The following SOD2 variants were observed in gnomAD, a reference collection of about 807,000 sequenced individuals.
SOD2 encodes superoxide dismutase 2, also known as superoxide dismutase [Mn], mitochondrial.
In SOD2, 11 loss-of-function variants were observed where a neutral mutation model predicts 27.0. The observed-to-expected ratio is 0.41, with a 90% CI of 0.26 to 0.67. The LOEUF (loss-of-function observed/expected upper bound fraction) is 0.67, where lower values mean the gene tolerates loss of function less well. SOD2 is among the 30% of genes least tolerant of loss of function. The probability of loss-of-function intolerance (pLI) is 0.34; values close to 1 mark genes in which losing one functional copy is unlikely to be tolerated. For synonymous variants in SOD2, 105 were observed against 103.0 expected (o/e 1.02, Z -0.12); for missense variants, 250 against 274.5 (o/e 0.91, Z 0.63).
intron 1 of SOD2, among the ~76,000 whole-genome samples, chr6:159,756,580 A>T (rs1780014922): frequency 7.5e-6 from 1 of 133,664 alleles, no homozygotes; most frequent in Non-Finnish European, 1.6e-5. Flanking sequence ...GAAAATAGTC[A>T]TCTATTTCTT....
chr6:159,678,033 A>C lies in SOD2; in HGVS notation c.*4460T>G, dbSNP rs1779817103. 1 of 152,100 alleles carries C rather than the reference A, an allele frequency of 6.6e-6. No homozygotes were observed. Among genetic ancestry groups the C allele is most frequent in the Non-Finnish European group, 1.5e-5 (1 of 68,020 alleles). The allele number at this position is 152,100 out of a possible 1,614,324, so 9.4% of individuals were successfully genotyped here. A position where few individuals can be genotyped will look rare whatever the true frequency, so the allele number is the denominator to read the frequency against. The stretch of plus-strand genomic sequence containing the variant: ...CCCCCAACCTCCAGAAAGGGGAGAG[A>C]GGCTGAAGGTTGAGTTAATCGCCAA... On this transcript the variant is annotated 3_prime_UTR_variant, in exon 5 of 5. Transcript: ENST00000538183.
chr6:159,717,869 T>C (rs1159233282), intron 1 of SOD2, among the ~76,000 whole-genome samples: 1 of 151,682 alleles, frequency 6.6e-6, no homozygotes, highest in Non-Finnish European at 1.5e-5. Context: ...TGTGGCTAAA[T>C]AGTATTCATA....
In SOD2 at chr6:159,680,553, C is replaced by T. The variant is rs1465153621; in HGVS notation, c.*1940G>A. The T allele has an allele frequency of 6.7e-6, 1 of 148,908 alleles. No individual in the cohort carries two copies. Among genetic ancestry groups the T allele is most frequent in the Non-Finnish European group, 1.5e-5 (1 of 67,320 alleles). The allele number at this position is 148,908 out of a possible 1,614,324, so 9.2% of individuals were successfully genotyped here. ...AAACTGCTAAGTTACCCCATTTTTC[C>T]ATGAAAAAAAAATAGAAAAATAAAC... On this transcript the variant is annotated 3_prime_UTR_variant, in exon 5 of 5. Transcript: ENST00000538183.
At chr6:159,693,408 G>C (rs1192262231), upstream of SOD2, 18 of 145,058 alleles carry the variant, frequency 1.2e-4, no homozygotes, top group Non-Finnish European at 2.3e-4. Context: ...CCGCCCGCCC[G>C]CGCTTGCCGT....
upstream of SOD2, chr6:159,748,819 T>C (rs552947042): frequency 8.1e-7 from 1 of 1,230,008 alleles, no homozygotes; most frequent in African/African-American, 1.6e-5. The surrounding 1 kb of genome is among the most constrained non-coding windows in gnomAD (Gnocchi z 5.6). Flanking sequence ...AAAAACGGAA[T>C]ATGCATCGCT....
At chr6:159,751,108 T>C (rs1303406921) in intron 1 of SOD2, among the ~76,000 whole-genome samples, 2 of 152,234 alleles carry the variant, frequency 1.3e-5, no homozygotes, top group South Asian at 2.1e-4. Context: ...TTTTTTTGTT[T>C]GTAATTTTAA....
At chr6:159,738,473 A>G (rs970333709) in intron 1 of SOD2, among the ~76,000 whole-genome samples, 5 of 152,170 alleles carry the variant, frequency 3.3e-5, no homozygotes, top group East Asian at 1.9e-4. Flanking sequence ...TGATAGTTCA[A>G]TCATTTGCCT....
intron 1 of SOD2, among the ~76,000 whole-genome samples, chr6:159,720,059 C>T (rs1376947869): frequency 1.3e-5 from 2 of 148,392 alleles, no homozygotes; most frequent in Non-Finnish European, 3.0e-5. Flanking sequence ...GGGACAGAGT[C>T]TCACTCCGTC....
intron 1 of SOD2, chr6:159,739,190 C>T: frequency 1.7e-6 from 1 of 603,938 alleles, no homozygotes; most frequent in Non-Finnish European, 2.7e-6. Context: ...CATACTATGA[C>T]CTATTTCTTA....
In SOD2 at chr6:159,674,340, A is replaced by G. The variant is rs1779730784; in HGVS notation, c.*8153T>C. 6.6e-6 allele frequency: 1 copy of G among 152,212 alleles called. No individual in the cohort carries two copies. 9.4% of individuals were successfully genotyped at this position (152,212 alleles called of 1,614,324 possible). A position where few individuals can be genotyped will look rare whatever the true frequency, so the allele number is the denominator to read the frequency against. On this transcript the variant is annotated 3_prime_UTR_variant, in exon 5 of 5. Coordinates refer to ENST00000538183, the MANE Select transcript of SOD2 (RefSeq NM_000636.4). ...ATCCCTGATGAAAATCAATGCAAAA[A>G]TCCTCAATAAAATACTGGCAAACTG...
At chr6:159,705,641 T>C (rs1368114149) in intron 1 of SOD2, among the ~76,000 whole-genome samples, 2 of 152,206 alleles carry the variant, frequency 1.3e-5, no homozygotes, top group Non-Finnish European at 2.9e-5. Context: ...CTACGTCTGA[T>C]TGGTGTACCT....
intron 1 of SOD2, among the ~76,000 whole-genome samples, chr6:159,719,093 T>C (rs1480125417): frequency 4.6e-5 from 7 of 152,118 alleles, no homozygotes; most frequent in Non-Finnish European, 7.4e-5. Context: ...GTTGAAATCT[T>C]AACCCCTAAT....
At chr6:159,695,670 A>T (rs1253606302), upstream of SOD2, among the ~76,000 whole-genome samples, 1 of 151,602 alleles carries the variant, frequency 6.6e-6, no homozygotes, top group Non-Finnish European at 1.5e-5. Flanking sequence ...AATTTTTTTT[A>T]TTTTTTGTAG....
chr6:159,685,403 C>A (rs5746127), intron 3 of SOD2, among the ~76,000 whole-genome samples: 2 of 151,616 alleles, frequency 1.3e-5, no homozygotes, highest in African/African-American at 4.9e-5. Context: ...CCATCACGCC[C>A]GGCTAATTTT....
intron 1 of SOD2, chr6:159,713,397 C>A: frequency 1.5e-6 from 1 of 654,648 alleles, no homozygotes; most frequent in South Asian, 1.8e-5. Flanking sequence ...CAGCCATGAG[C>A]TTCTGAGAGG....
rs575564521 is a variant in SOD2, at chr6:159,760,075, AAG to A, written c.-336+960_-336+961del. On this transcript the variant is annotated intron_variant, in intron 1 of 7. Transcript: ENST00000546087. Reference sequence around the variant, plus strand: ...AACTAGGAATTACATGGTAAGTTGAAAGAGGAAGTTAGGGGTAAGATGCTGCA... The same window carrying A: ...AACTAGGAATTACATGGTAAGTTGAAAGGAAGTTAGGGGTAAGATGCTGCA... Among the ~76,000 whole-genome samples, 305 of 152,346 alleles carry A rather than the reference AAG, an allele frequency of 2.0e-3. 2 individuals are homozygous for A. The highest frequency in any genetic ancestry group is 7.1e-3 in the African/African-American group (297 of 41,574).
At chr6:159,748,442 A>C, upstream of SOD2, 1 of 1,575,642 alleles carries the variant, frequency 6.3e-7, no homozygotes, top group Non-Finnish European at 8.6e-7. This position sits in a 1 kb window ranked among gnomAD's most constrained non-coding sequence, Gnocchi z 5.6. Context: ...TGGGACAGCC[A>C]AGTACTCGTT....
chr6:159,707,489 C>G (rs1016438451), intron 1 of SOD2, among the ~76,000 whole-genome samples: 4 of 152,146 alleles, frequency 2.6e-5, no homozygotes, highest in Non-Finnish European at 5.9e-5. Context: ...CTATAAACAC[C>G]TCTACACAAA....
chr6:159,687,141 T>C (rs1780228468), intron 3 of SOD2, among the ~76,000 whole-genome samples: 1 of 152,112 alleles, frequency 6.6e-6, no homozygotes, highest in South Asian at 2.1e-4. Flanking sequence ...TGAAAAAAGG[T>C]ACAGACGGTT....
Sources: gnomAD v4.1 joint callset for allele counts (sites outside exome capture counted in the v4.1 genomes callset) on GRCh38, gnomAD v4.1.1 for gene constraint, Gnocchi (gnomAD v3.1) non-coding constraint, MANE v1.5 for transcripts, NCBI Gene and HGNC (gene_info 2026-07-23, HGNC 2026-07-21) for gene names.